The following CD109 variants were observed in gnomAD, a reference collection of about 807,000 sequenced individuals.
The protein encoded by CD109 is CD109 molecule, also known as CD109 antigen.
In CD109, 149 loss-of-function variants were observed where a neutral mutation model predicts 165.8. That is an observed-to-expected ratio of 0.90 (90% confidence interval 0.79 to 1.03). The LOEUF (loss-of-function observed/expected upper bound fraction) is 1.03, where lower values mean the gene tolerates loss of function less well. CD109 is among the 50% of genes least tolerant of loss of function. The pLI, the probability that CD109 is intolerant of heterozygous loss-of-function variation, is 0.00. For synonymous variants in CD109, 585 were observed against 592.1 expected (o/e 0.99, Z 0.18); for missense variants, 1,712 against 1,677.8 (o/e 1.02, Z -0.36).
intron 30 of CD109, 43 bp from the exon 31 acceptor site, chr6:73,818,345 T>C (rs764052504): frequency 3.1e-6 from 5 of 1,609,068 alleles, no homozygotes; most frequent in Non-Finnish European, 4.2e-6. Flanking sequence ...CAGCTATGGG[T>C]TTTTCCTGAG....
rs140204342 is a variant in CD109 at position 73,704,429 on chromosome 6, A to G, written c.247+6857A>G. Among the ~76,000 whole-genome samples, 1,206 of 152,244 alleles carry G rather than the reference A, an allele frequency of 7.9e-3. 7 individuals are homozygous for G. Among genetic ancestry groups the G allele is most frequent in the Non-Finnish European group, 0.012 (788 of 68,024 alleles). ...CCCTCAACCCTAAGCGCTGGTGTTCATTTTCAGCCGCAGAGAAACATGACT... is the reference window on the plus strand; with the variant it reads ...CCCTCAACCCTAAGCGCTGGTGTTCGTTTTCAGCCGCAGAGAAACATGACT... On this transcript the variant is annotated intron_variant, in intron 2 of 32. Coordinates refer to ENST00000287097, the MANE Select transcript of CD109 (RefSeq NM_133493.5).
intron 3 of CD109, among the ~76,000 whole-genome samples, chr6:73,729,101 A>G (rs1260935849): frequency 1.3e-5 from 2 of 152,176 alleles, no homozygotes; most frequent in Non-Finnish European, 2.9e-5. Flanking sequence ...GGTTCCTCCC[A>G]ATGTGGGCCT....
At chr6:73,696,546 G>A (rs918182108) in intron 1 of CD109, among the ~76,000 whole-genome samples, 2 of 152,252 alleles carry the variant, frequency 1.3e-5, no homozygotes, top group African/African-American at 4.8e-5. Context: ...ACTTTCTGAA[G>A]AGAGTCATTT....
the CD109 span, among the ~76,000 whole-genome samples, chr6:73,680,683 G>A: frequency 6.6e-6 from 1 of 152,218 alleles, no homozygotes; most frequent in Non-Finnish European, 1.5e-5. Context: ...TTCCTGCAAA[G>A]AGGTGGATTG....
intron 19 of CD109, 68 bp downstream of exon 19, chr6:73,783,892 A>ATT: frequency 1.3e-6 from 1 of 743,168 alleles, no homozygotes; most frequent in South Asian, 1.8e-5. Context: ...CAGCTCCTCA[A>ATT]TTTTTTTTTT....
intron 23 of CD109, among the ~76,000 whole-genome samples, chr6:73,797,125 G>T (rs541979245): frequency 3.3e-5 from 5 of 152,116 alleles, no homozygotes; most frequent in Non-Finnish European, 7.4e-5. Flanking sequence ...TATGAACAGC[G>T]CATTGTTTTA....
intron 10 of CD109, among the ~76,000 whole-genome samples, chr6:73,764,702 A>G (rs940573151): frequency 1.3e-5 from 2 of 151,886 alleles, no homozygotes; most frequent in East Asian, 1.9e-4. Context: ...TGTAATTCCA[A>G]CTACTCGGGA....
rs568101540 is a variant in CD109, at chr6:73,814,760, A to G, written c.3769-221A>G. Among the ~76,000 whole-genome samples, 20 of 152,248 alleles carry G rather than the reference A, an allele frequency of 1.3e-4. No homozygotes were observed. In the East Asian group the frequency reaches 3.9e-3, roughly 29 times the overall value. Reference sequence around the variant, plus strand: ...TTTATTGTACTTGTTTTGGAATATTACTTAACAGTTTTCTCCATTTAAACA... The same window carrying G: ...TTTATTGTACTTGTTTTGGAATATTGCTTAACAGTTTTCTCCATTTAAACA... On this transcript the variant is annotated intron_variant, in intron 29 of 32. Coordinates refer to ENST00000287097, the MANE Select transcript of CD109 (RefSeq NM_133493.5).
In CD109 at chr6:73,758,946, T is replaced by G. The variant is rs749471297; in HGVS notation, c.676T>G (p.Leu226Val). Residue 226 changes from leucine (L) to valine (V), a missense_variant and splice_region_variant, in exon 7 of 33, where the codon TTA (leucine) becomes GTA (valine). By Grantham distance (32) the Leu-to-Val change is conservative. Coordinates refer to ENST00000287097, the MANE Select transcript of CD109 (RefSeq NM_133493.5). ...YQSFQVSEYV[L>V]PKFEVTLQTP... ...TTACCCTTGCTTTTCTTTTCCAGTA[T>G]TACCAAAATTTGAAGTGACTTTGCA... The G allele has an allele frequency of 9.6e-6, 15 of 1,566,912 alleles. No homozygotes were observed. The highest frequency in any genetic ancestry group is 1.3e-5 in the Non-Finnish European group (15 of 1,138,908).
intron 4 of CD109, 28 bp from the exon 5 acceptor site, chr6:73,736,355 A>G: frequency 6.2e-7 from 1 of 1,611,628 alleles, no homozygotes; most frequent in Non-Finnish European, 8.5e-7. Flanking sequence ...CAGCCTCTAC[A>G]TACTTACATG....
At chr6:73,782,937 A>G (rs1403309501) in intron 18 of CD109, among the ~76,000 whole-genome samples, 182 bp downstream of exon 18, 1 of 152,086 alleles carries the variant, frequency 6.6e-6, no homozygotes, top group Non-Finnish European at 1.5e-5. Context: ...AAAGCCACAC[A>G]TAAATTATGG....
At chr6:73,788,238 T>C (rs1774772687) in intron 21 of CD109, among the ~76,000 whole-genome samples, 1 of 152,238 alleles carries the variant, frequency 6.6e-6, no homozygotes, top group Non-Finnish European at 1.5e-5. Context: ...GTTATGGTAA[T>C]TTTTTGTAAT....
chr6:73,758,781 T>C (rs1435361330), intron 6 of CD109, among the ~76,000 whole-genome samples, 163 bp from the exon 7 acceptor site: 2 of 152,234 alleles, frequency 1.3e-5, no homozygotes. Context: ...TGGATTCTAA[T>C]AAATTTAAGT....
Position 73,697,260 on chromosome 6 carries a change from G to A in CD109, c.75-140G>A, listed in dbSNP as rs570124893. The A allele has an allele frequency of 9.6e-4, 628 of 654,758 alleles. 12 individuals carry two copies. The South Asian group carries it at 0.012, about 12-fold the overall frequency. 40.6% of individuals were successfully genotyped at this position (654,758 alleles called of 1,614,324 possible). On this transcript the variant is annotated intron_variant, in intron 1 of 32. Transcript: ENST00000287097. ...AGCATTTCAATTCAGTTGCCAAATAGAGCAGTGGGCAATGTTAACGGAAAC... is the reference window on the plus strand; with the variant it reads ...AGCATTTCAATTCAGTTGCCAAATAAAGCAGTGGGCAATGTTAACGGAAAC...
In CD109 at chr6:73,808,077, TCCAAG is replaced by T; in HGVS notation, c.3190-3_3191del. 2 of 1,611,830 alleles carry T rather than the reference TCCAAG, an allele frequency of 1.2e-6. No homozygotes were observed. The highest frequency in any genetic ancestry group is 2.2e-5 in the East Asian group (1 of 44,838). The stretch of plus-strand genomic sequence containing the variant: ...ATAGTAAAAAACATACTTTTTTTCT[TCCAAG>T]CCTAACATTGATGTGCAAGAGTCTA... On this transcript the variant is annotated splice_acceptor_variant and splice_polypyrimidine_tract_variant and intron_variant, in intron 25 of 32. Transcript: ENST00000287097. LOFTEE classifies it high-confidence loss of function.
intron 30 of CD109, among the ~76,000 whole-genome samples, chr6:73,815,680 C>T (rs1048299255): frequency 7.2e-5 from 11 of 152,054 alleles, no homozygotes; most frequent in Non-Finnish European, 1.3e-4. Flanking sequence ...TTAAATTGTT[C>T]TATATCCAAA....
the CD109 span, among the ~76,000 whole-genome samples, chr6:73,688,277 T>A: frequency 6.6e-6 from 1 of 152,192 alleles, no homozygotes; most frequent in Non-Finnish European, 1.5e-5. Context: ...TGCCCCCCAG[T>A]CCCTGGCACA....
upstream of CD109, chr6:73,696,023 G>T (rs1182425944): frequency 3.6e-6 from 2 of 559,718 alleles, no homozygotes; most frequent in African/African-American, 2.0e-5. Context: ...CATTGTAATG[G>T]GGATGGGAGG....
chr6:73,823,352 A>G, intron 32 of CD109, 106 bp from the exon 33 acceptor site: 1 of 836,914 alleles, frequency 1.2e-6, no homozygotes, highest in Non-Finnish European at 1.9e-6. Flanking sequence ...AATTAGGTTA[A>G]GAATGGAAAA....
Sources: allele counts gnomAD v4.1 joint callset (sites outside exome capture counted in the v4.1 genomes callset), GRCh38; gene constraint gnomAD v4.1.1; transcripts MANE v1.5; gene names NCBI Gene and HGNC (gene_info 2026-07-23, HGNC 2026-07-21).